Variants in APAF1 observed in about 807,000 individuals in gnomAD.
The protein encoded by APAF1 is apoptotic peptidase activating factor 1, also known as apoptotic protease-activating factor 1.
A neutral mutation model predicts 152.4 loss-of-function variants in APAF1; 91 were observed. The ratio of observed to expected loss-of-function variants is 0.60; its 90% confidence interval spans 0.50 to 0.71. The LOEUF is 0.71. Ranked by LOEUF, APAF1 falls within the 30% of genes least tolerant of loss-of-function variation. The pLI, the probability that APAF1 is intolerant of heterozygous loss-of-function variation, is 0.00. For synonymous variants in APAF1, 484 were observed against 494.1 expected (o/e 0.98, Z 0.27); for missense variants, 1,283 against 1,472.0 (o/e 0.87, Z 2.10).
At chr12:98,721,455 G>A (rs1016728057) in intron 22 of APAF1, among the ~76,000 whole-genome samples, 3 of 152,146 alleles carry the variant, frequency 2.0e-5, no homozygotes, top group Admixed American at 6.5e-5. Context: ...CCCAGAAAGC[G>A]GGAGGAGAGA....
At chr12:98,730,206 T>G (rs965353329) in intron 26 of APAF1, among the ~76,000 whole-genome samples, 1 of 152,238 alleles carries the variant, frequency 6.6e-6, no homozygotes, top group African/African-American at 2.4e-5. Context: ...CTTTATTCAG[T>G]TATTAGGAGA....
intron 11 of APAF1, 150 bp from the exon 12 acceptor site, chr12:98,671,385 A>G (rs2097679945): frequency 1.3e-6 from 1 of 742,466 alleles, no homozygotes; most frequent in Admixed American, 2.2e-5. Context: ...GAGGATTACT[A>G]TATATTTGTT....
At chr12:98,709,502 T>C (rs944457282) in intron 20 of APAF1, among the ~76,000 whole-genome samples, 17 of 152,170 alleles carry the variant, frequency 1.1e-4, no homozygotes, top group African/African-American at 3.9e-4. Flanking sequence ...GGCATCACTG[T>C]GCTGGTGGCT....
intron 13 of APAF1, 82 bp downstream of exon 13, chr12:98,677,633 T>G (rs2097688012): frequency 2.6e-6 from 4 of 1,562,808 alleles, no homozygotes; most frequent in Non-Finnish European, 3.5e-6. Context: ...ATCCTAAAAT[T>G]CAAGAAAATT....
intron 26 of APAF1, among the ~76,000 whole-genome samples, chr12:98,731,757 G>T (rs1163116375): frequency 6.6e-6 from 1 of 152,126 alleles, no homozygotes; most frequent in Non-Finnish European, 1.5e-5. Flanking sequence ...AGATTCATGG[G>T]TAAACTTTAT....
chr12:98,666,686 C>T (rs2097673195), intron 9 of APAF1, among the ~76,000 whole-genome samples: 1 of 152,056 alleles, frequency 6.6e-6, no homozygotes, highest in Non-Finnish European at 1.5e-5. Context: ...CTTTCATGGC[C>T]TTGTCACCTT....
At chr12:98,647,460 C>A (rs2097642758) in intron 1 of APAF1, among the ~76,000 whole-genome samples, 1 of 151,936 alleles carries the variant, frequency 6.6e-6, no homozygotes, top group African/African-American at 2.4e-5. Flanking sequence ...GCAACCTCTG[C>A]CGCCCTGGTT....
In APAF1 at chr12:98,723,238, C is replaced by A. The variant is rs2097745602; in HGVS notation, c.3130C>A (p.Gln1044Lys). ...LDKCIFLRGHQETVKDFRLLK... is the reference protein window; with the variant it reads ...LDKCIFLRGHKETVKDFRLLK... ...CAAATGTATCTTTCTACGAGGCCAT[C>A]AGGAAACAGTGAAAGACTTTAGACT... The change falls in exon 23 of 27, where the codon CAG becomes AAG. Residue 1044 changes from glutamine to lysine, a missense_variant. Physicochemically the swap from Gln to Lys is moderately conservative, Grantham distance 53 (BLOSUM62 1). Coordinates refer to ENST00000551964, the MANE Select transcript of APAF1 (RefSeq NM_181861.2). The A allele has an allele frequency of 6.2e-7, 1 of 1,613,262 alleles. No individual in the cohort carries two copies. Among genetic ancestry groups the A allele is most frequent in the African/African-American group, 1.3e-5 (1 of 74,882 alleles).
At chr12:98,692,332 C>T (rs930119269) in intron 16 of APAF1, among the ~76,000 whole-genome samples, 3 of 152,162 alleles carry the variant, frequency 2.0e-5, no homozygotes, top group African/African-American at 7.2e-5. Context: ...ATCCGCCTGC[C>T]TCGGCCTCCC....
At chr12:98,729,548 A>G (rs1045035694) in intron 26 of APAF1, among the ~76,000 whole-genome samples, 1 of 152,220 alleles carries the variant, frequency 6.6e-6, no homozygotes, top group Non-Finnish European at 1.5e-5. Context: ...CTAAAAGGCC[A>G]CAGACCAGTA....
rs2097766981 is a variant in APAF1, at chr12:98,734,830, T to G, written c.*2264T>G. On this transcript the variant is annotated 3_prime_UTR_variant, in exon 27 of 27. Transcript: ENST00000551964. ...TCATAATTTTATTTGTACACACTGT[T>G]AGGGGCTCATCTCATGTAGGCAGAG... 1 of 210,938 alleles carries G rather than the reference T, an allele frequency of 4.7e-6. No individual in the cohort carries two copies. Among genetic ancestry groups the G allele is most frequent in the African/African-American group, 2.3e-5 (1 of 44,026 alleles). 13.1% of individuals were successfully genotyped at this position (210,938 alleles called of 1,614,324 possible).
At chr12:98,654,028 TTTTCTCTGAATTAG>T (rs1036986747) in intron 4 of APAF1, among the ~76,000 whole-genome samples, 87 of 152,174 alleles carry the variant, frequency 5.7e-4, no homozygotes, top group African/African-American at 1.6e-3. Context: ...TAAAGGCAAC[TTTTCTCTGAATTAG>T]TTTCTCTGAG....
At chr12:98,724,778 T>C (rs1011750367) in intron 24 of APAF1, among the ~76,000 whole-genome samples, 1 of 152,216 alleles carries the variant, frequency 6.6e-6, no homozygotes, top group Non-Finnish European at 1.5e-5. Flanking sequence ...GGATAGTGAC[T>C]GTAGCTAGTT....
At chr12:98,676,319 C>T (rs1012232742) in intron 12 of APAF1, among the ~76,000 whole-genome samples, 1 of 151,894 alleles carries the variant, frequency 6.6e-6, no homozygotes, top group Admixed American at 6.6e-5. Context: ...AAGCGATTCT[C>T]ATGCCTCAGC....
chr12:98,725,602 A>G (rs2097749336), intron 25 of APAF1, 62 bp downstream of exon 25: 5 of 1,610,264 alleles, frequency 3.1e-6, no homozygotes, highest in Non-Finnish European at 4.2e-6. Flanking sequence ...CACTGTTCAC[A>G]GTGGGGACCT....
chr12:98,715,105 C>G (rs915581853), intron 21 of APAF1, among the ~76,000 whole-genome samples: 11 of 144,138 alleles, frequency 7.6e-5, no homozygotes, highest in Admixed American at 2.8e-4. Flanking sequence ...CAAGCCCAGA[C>G]AGCCACTTGT....
At position 98,691,265 on chromosome 12, in the gene APAF1, T is replaced by G. The variant is rs954440581; in HGVS notation, c.2304+4392T>G. Among the ~76,000 whole-genome samples the G allele has an allele frequency of 5.3e-5, 8 of 152,292 alleles. No individual in the cohort carries two copies. In the East Asian group the frequency reaches 5.8e-4, roughly 11 times the overall value. On this transcript the variant is annotated intron_variant, in intron 16 of 26. Transcript: ENST00000551964. ...CTGTTCCTCCCTTTCCTTCTTTTCC[T>G]GGCACCTTGTTTCATTAGTTGTTTC...
intron 12 of APAF1, among the ~76,000 whole-genome samples, chr12:98,672,450 C>T (rs1269731145): frequency 6.6e-6 from 1 of 152,142 alleles, no homozygotes; most frequent in Non-Finnish European, 1.5e-5. Flanking sequence ...CAGGCATGAG[C>T]CACCACGCCT....
In APAF1 at chr12:98,659,358, A is replaced by G. The variant is rs1451544202; in HGVS notation, c.710+15A>G. ...AAACACCCAAGGTACCGATGGTCAA[A>G]TTTAGTTGGTGTGTCAGGTCCCATG... On this transcript the variant is annotated intron_variant, in intron 5 of 26. Transcript: ENST00000551964. 1.2e-6 allele frequency: 2 copies of G among 1,613,954 alleles called. No individual in the cohort carries two copies. The highest frequency in any genetic ancestry group is 4.5e-5 in the East Asian group (2 of 44,874).
Sources: gnomAD v4.1 joint callset for allele counts (sites outside exome capture counted in the v4.1 genomes callset) on GRCh38, gnomAD v4.1.1 for gene constraint, MANE v1.5 for transcripts, NCBI Gene and HGNC (gene_info 2026-07-23, HGNC 2026-07-21) for gene names.